Variants in FREM2 observed in about 807,000 individuals in gnomAD.
The protein encoded by FREM2 is FRAS1 related extracellular matrix 2.
FREM2 carries 119 observed loss-of-function variants against 219.9 expected under a neutral mutation model. That is an observed-to-expected ratio of 0.54 (90% confidence interval 0.47 to 0.63). FREM2 has a LOEUF of 0.63. FREM2 is among the 30% of genes least tolerant of loss of function. The pLI is 0.00. For synonymous variants in FREM2, 1,562 were observed against 1,522.8 expected (o/e 1.03, Z -0.60); for missense variants, 4,030 against 3,993.6 (o/e 1.01, Z -0.25).
intron 6 of FREM2, among the ~76,000 whole-genome samples, chr13:38,786,748 C>T (rs900146739): frequency 1.3e-5 from 2 of 152,050 alleles, no homozygotes; most frequent in African/African-American, 4.8e-5. Flanking sequence ...CATAAAAGTA[C>T]AGAAAAAAAC....
chr13:38,809,763 G>A (rs901918240), intron 6 of FREM2, among the ~76,000 whole-genome samples: 3 of 152,006 alleles, frequency 2.0e-5, no homozygotes, highest in African/African-American at 7.2e-5. Context: ...GTGAGTTAAT[G>A]TGATTCCTTC....
intron 6 of FREM2, among the ~76,000 whole-genome samples, chr13:38,800,141 G>T (rs1874954231): frequency 6.6e-6 from 1 of 151,854 alleles, no homozygotes; most frequent in Non-Finnish European, 1.5e-5. Context: ...TGTAAGTTTG[G>T]ATTACAAATG....
chr13:38,814,039 A>G (rs1196643749), intron 6 of FREM2, among the ~76,000 whole-genome samples: 1 of 151,886 alleles, frequency 6.6e-6, no homozygotes, highest in Non-Finnish European at 1.5e-5. Flanking sequence ...TTTCTGTTTG[A>G]TTCTTTTTTA....
In FREM2 at chr13:38,808,960, A is replaced by G. The variant is rs1420680841; in HGVS notation, c.6019+24152A>G. Among the ~76,000 whole-genome samples the G allele has an allele frequency of 3.9e-5, 6 of 151,900 alleles. No individual in the cohort carries two copies. In the South Asian group the frequency reaches 6.2e-4, roughly 16 times the overall value. On this transcript the variant is annotated intron_variant, in intron 6 of 23. Transcript: ENST00000280481. The stretch of plus-strand genomic sequence containing the variant: ...TAAGGAGGTATGTCTGTGTTTCATT[A>G]AACAGGTTTTTGGGTTTTTGGTGCT...
At chr13:38,754,658 T>G (rs1284372127) in intron 2 of FREM2, among the ~76,000 whole-genome samples, 1 of 152,176 alleles carries the variant, frequency 6.6e-6, no homozygotes, top group Non-Finnish European at 1.5e-5. Context: ...ACCCTGACCA[T>G]GGCCCTCAAT....
chr13:38,786,313 A>G (rs1467683599), intron 6 of FREM2, among the ~76,000 whole-genome samples: 1 of 152,204 alleles, frequency 6.6e-6, no homozygotes, highest in Non-Finnish European at 1.5e-5. Flanking sequence ...TTTTACTGAA[A>G]ATGTTTGAAA....
rs1869486163 is a variant in FREM2 at position 38,687,154 on chromosome 13, C to T, written c.-191C>T. The T allele has an allele frequency of 4.0e-6, 3 of 744,002 alleles. No individual in the cohort carries two copies. The highest frequency in any genetic ancestry group is 6.5e-6 in the Non-Finnish European group (3 of 461,070). The allele number at this position is 744,002 out of a possible 1,614,324, so 46.1% of individuals were successfully genotyped here. A position where few individuals can be genotyped will look rare whatever the true frequency, so the allele number is the denominator to read the frequency against. On this transcript the variant is annotated 5_prime_UTR_variant, in exon 1 of 24. Coordinates refer to ENST00000280481, the MANE Select transcript of FREM2 (RefSeq NM_207361.6). ...GGACGGCCTGGGAAGGCTTCGGCTC[C>T]TCGGCTGCGGCTCCAGCCCGGACGG...
intron 2 of FREM2, among the ~76,000 whole-genome samples, chr13:38,716,651 G>A (rs1195848839): frequency 2.0e-5 from 3 of 152,026 alleles, no homozygotes; most frequent in South Asian, 2.1e-4. Flanking sequence ...GGGATTACAG[G>A]CACCTGCCAC....
chr13:38,751,318 A>C (rs1277117456), intron 2 of FREM2, among the ~76,000 whole-genome samples: 1 of 151,902 alleles, frequency 6.6e-6, no homozygotes, highest in Non-Finnish European at 1.5e-5. Flanking sequence ...GCTGTCTCCA[A>C]ATCAATATTT....
chr13:38,699,153 T>G lies in FREM2; in HGVS notation c.5263+1366T>G, dbSNP rs900137541. On this transcript the variant is annotated intron_variant, in intron 2 of 23. Transcript: ENST00000280481. ...TATAAAAATTTAAGGATGAAATTAT[T>G]GGTTTAAAACACCATGTTTATCTCT... 3.3e-5 allele frequency among the ~76,000 whole-genome samples: 5 copies of G among 152,182 alleles called. No individual in the cohort carries two copies. In the South Asian group the frequency reaches 1.0e-3, roughly 31 times the overall value.
intron 5 of FREM2, among the ~76,000 whole-genome samples, chr13:38,783,895 G>C (rs1053270562): frequency 2.0e-5 from 3 of 152,210 alleles, no homozygotes; most frequent in Non-Finnish European, 4.4e-5. Context: ...AGGAGTTCAC[G>C]ACCAGTCTGA....
At chr13:38,813,322 C>A (rs1021119729) in intron 6 of FREM2, among the ~76,000 whole-genome samples, 8 of 151,648 alleles carry the variant, frequency 5.3e-5, no homozygotes, top group African/African-American at 1.9e-4. Context: ...AGGATAATTG[C>A]GCAAGATATA....
chr13:38,695,298 G>A (rs1267126680), intron 1 of FREM2, among the ~76,000 whole-genome samples: 1 of 151,890 alleles, frequency 6.6e-6, no homozygotes, highest in Non-Finnish European at 1.5e-5. Context: ...TTTGAACCAT[G>A]AATTATTAAT....
chr13:38,691,661 T>TA lies in FREM2; in HGVS notation c.4318dup (p.Thr1440AsnfsTer8). The stretch of plus-strand genomic sequence containing the variant: ...TGAAAGAAGGTGGCAAAGTCACTCT[T>TA]ACAACAGACCTACTAAGCACTAGTG... On this transcript the variant is annotated frameshift_variant, in exon 1 of 24. Coordinates refer to ENST00000280481, the MANE Select transcript of FREM2 (RefSeq NM_207361.6). LOFTEE classifies it high-confidence loss of function. 6.2e-7 allele frequency: 1 copy of TA among 1,614,178 alleles called. No individual in the cohort carries two copies. The highest frequency in any genetic ancestry group is 8.5e-7 in the Non-Finnish European group (1 of 1,180,022).
At chr13:38,874,779 T>C (rs2137936279) in intron 18 of FREM2, among the ~76,000 whole-genome samples, 193 bp downstream of exon 18, 1 of 152,356 alleles carries the variant, frequency 6.6e-6, no homozygotes, top group East Asian at 1.9e-4. Context: ...ATTATCATTA[T>C]GCAGACTTTC....
chr13:38,837,081 G>A (rs1267431747), intron 6 of FREM2, among the ~76,000 whole-genome samples: 1 of 152,096 alleles, frequency 6.6e-6, no homozygotes, highest in Non-Finnish European at 1.5e-5. Context: ...GAGCATTATT[G>A]CTATAAATTT....
In FREM2 at chr13:38,689,963, A is replaced by T. The variant is rs779781015; in HGVS notation, c.2619A>T (p.Lys873Asn). The change falls in exon 1 of 24, where the codon AAA (lysine) becomes AAT (asparagine). Residue 873 changes from lysine (K) to asparagine (N), a missense_variant. Lys to Asn is a moderately conservative substitution (Grantham distance 94). Around this residue, in one of 2 missense-constraint regions of FREM2, gnomAD observed 3,102 missense variants for 2,950.7 expected, o/e 1.05. Coordinates refer to ENST00000280481, the MANE Select transcript of FREM2 (RefSeq NM_207361.6). The stretch of plus-strand genomic sequence containing the variant: ...CTTTCACTCTCACTCAGGCACCCAA[A>T]CATGGCCACATGAGAGTGTCTGGAC... The part of the protein sequence containing the change: ...HISFTLTQAP[K>N]HGHMRVSGQI... 6.2e-7 allele frequency: 1 copy of T among 1,614,120 alleles called. No individual in the cohort carries two copies.
chr13:38,870,525 TTTAAG>T (rs141983498), intron 16 of FREM2, among the ~76,000 whole-genome samples: 26,458 of 152,002 alleles, frequency 0.17, 2,591 homozygotes, highest in Admixed American at 0.26. Flanking sequence ...TTAAGTGCTT[TTTAAG>T]TTGACATCTA....
At position 38,688,012 on chromosome 13, in the gene FREM2, G is replaced by C. The variant is rs1307927375; in HGVS notation, c.668G>C (p.Gly223Ala). The C allele has an allele frequency of 6.2e-7, 1 of 1,611,636 alleles. No homozygotes were observed. The highest frequency in any genetic ancestry group is 1.1e-5 in the South Asian group (1 of 90,970). ...GAGTGCCGCGTGGGCATCCTGTCCGGCTTGGGCGCGCTGCCTCGCTATGGA... is the reference window on the plus strand; with the variant it reads ...GAGTGCCGCGTGGGCATCCTGTCCGCCTTGGGCGCGCTGCCTCGCTATGGA... ...TEECRVGILS[G>A]LGALPRYGEL... is the part of the protein sequence containing the mutation. Residue 223 changes from glycine (G) to alanine (A), a missense_variant, in exon 1 of 24, where the codon GGC (glycine) becomes GCC (alanine). Gly to Ala is a moderately conservative substitution (Grantham distance 60). Transcript: ENST00000280481.
Sources: allele counts gnomAD v4.1 joint callset (sites outside exome capture counted in the v4.1 genomes callset), GRCh38; gene constraint gnomAD v4.1.1; regional missense constraint gnomAD v4.1.1; transcripts MANE v1.5; gene names NCBI Gene and HGNC (gene_info 2026-07-23, HGNC 2026-07-21).